WBP1L: variants seen among roughly 807,000 people sequenced by gnomAD.
WBP1L encodes the protein WW domain binding protein 1-like.
A neutral mutation model predicts 33.7 loss-of-function variants in WBP1L; 17 were observed. The observed-to-expected ratio is 0.50, with a 90% CI of 0.34 to 0.76. WBP1L has a LOEUF of 0.76. Ranked by LOEUF, WBP1L falls within the 30% of genes least tolerant of loss-of-function variation. The pLI, the probability that WBP1L is intolerant of heterozygous loss-of-function variation, is 0.01. For missense variants in WBP1L, 389 were observed against 469.4 expected, an observed-to-expected ratio of 0.83 and a Z score of 1.58; for synonymous variants, 173 against 190.8, an observed-to-expected ratio of 0.91 and a Z score of 0.77.
chr10:102,772,152 G>T (rs1248184471), intron 1 of WBP1L, among the ~76,000 whole-genome samples: 1 of 151,124 alleles, frequency 6.6e-6, no homozygotes, highest in Non-Finnish European at 1.5e-5. Context: ...TAGAGACGGG[G>T]TTTCACCATG....
chr10:102,804,647 T>C (rs1843706961), intron 2 of WBP1L, among the ~76,000 whole-genome samples: 1 of 152,056 alleles, frequency 6.6e-6, no homozygotes, highest in South Asian at 2.1e-4. Context: ...CCATCGAAGG[T>C]TGGATGAGAG....
chr10:102,801,796 C>G (rs1843659617), intron 2 of WBP1L, among the ~76,000 whole-genome samples: 1 of 152,112 alleles, frequency 6.6e-6, no homozygotes, highest in Non-Finnish European at 1.5e-5. Flanking sequence ...CAAATCCTGT[C>G]AGTGCTGCCC....
intron 1 of WBP1L, among the ~76,000 whole-genome samples, chr10:102,770,279 TAA>T (rs1325058993): frequency 6.6e-6 from 1 of 152,206 alleles, no homozygotes; most frequent in African/African-American, 2.4e-5. Context: ...CTGAGGCATT[TAA>T]ATGGGTGCGT....
intron 1 of WBP1L, among the ~76,000 whole-genome samples, chr10:102,772,707 C>A (rs889972569): frequency 6.7e-6 from 1 of 150,304 alleles, no homozygotes; most frequent in South Asian, 2.1e-4. Flanking sequence ...GTAGCTGAGA[C>A]AACAGGCATG....
At chr10:102,768,970 G>C (rs1021976193) in intron 1 of WBP1L, among the ~76,000 whole-genome samples, 1 of 152,104 alleles carries the variant, frequency 6.6e-6, no homozygotes, top group Non-Finnish European at 1.5e-5. Flanking sequence ...TTACAGGCTT[G>C]AGCCATTGCG....
chr10:102,782,078 G>C (rs961351175), intron 1 of WBP1L, among the ~76,000 whole-genome samples: 1 of 152,080 alleles, frequency 6.6e-6, no homozygotes, highest in Admixed American at 6.6e-5. Context: ...ATGTTGGCCA[G>C]GTTGGTCTGA....
At chr10:102,802,095 C>T (rs1175483871) in intron 2 of WBP1L, among the ~76,000 whole-genome samples, 2 of 88,748 alleles carry the variant, frequency 2.3e-5, no homozygotes, top group Admixed American at 1.2e-4. Flanking sequence ...TCCCCCTTCC[C>T]CCTCCTCCTT....
rs369941812 is a variant in WBP1L, at chr10:102,776,325, C to T, written c.91-21668C>T. On this transcript the variant is annotated intron_variant, in intron 1 of 3. Transcript: ENST00000448841. ...ACACAGGCCCACCAGGGGCAATGCT[C>T]ATTCCAAGACCTTAACTTTTAAGAG... 33 of 1,613,732 alleles carry T rather than the reference C, an allele frequency of 2.0e-5. No homozygotes were observed. The African/African-American group carries it at 3.7e-4, about 18-fold the overall frequency.
intron 2 of WBP1L, among the ~76,000 whole-genome samples, chr10:102,806,084 G>A (rs563299273): frequency 4.1e-4 from 62 of 151,192 alleles, no homozygotes; most frequent in African/African-American, 7.0e-4. Context: ...GTAGTGGCAC[G>A]CACCTGTAGT....
chr10:102,774,368 C>T (rs1417758078), intron 1 of WBP1L, among the ~76,000 whole-genome samples: 1 of 152,064 alleles, frequency 6.6e-6, no homozygotes, highest in East Asian at 1.9e-4. Flanking sequence ...GCTTCCCAGT[C>T]CCCAAACACC....
At chr10:102,744,330 CAAG>C (rs1468862905) in intron 1 of WBP1L, 187 bp downstream of exon 1, 10 of 969,838 alleles carry the variant, frequency 1.0e-5, no homozygotes, top group East Asian at 1.2e-4. Context: ...GTTTTGGTGT[CAAG>C]GAGGTGGCAG....
rs1384564804 is a variant in WBP1L, at chr10:102,810,401, CTTTCT to C, written c.355+350_355+354del. On this transcript the variant is annotated intron_variant, in intron 3 of 3. Coordinates refer to ENST00000448841, the MANE Select transcript of WBP1L (RefSeq NM_001083913.2). ...TTCCTCCCTCCCTCTTTCTCTCTTT[CTTTCT>C]TTCTTTCTTTCCCTGCCTGCCTGCC... 1.4e-3 allele frequency among the ~76,000 whole-genome samples: 174 copies of C among 125,040 alleles called. 2 individuals carry two copies. The highest frequency in any genetic ancestry group is 8.9e-3 in the Middle Eastern group (2 of 224). The allele number at this position is 125,040 out of a possible 152,430, so 82.0% of individuals were successfully genotyped here.
rs200469147 is a variant in WBP1L, at chr10:102,810,058, C to T, written c.355+4C>T. The T allele has an allele frequency of 4.0e-5, 64 of 1,606,610 alleles. No homozygotes were observed. The African/African-American group carries it at 5.3e-4, about 13-fold the overall frequency. The stretch of plus-strand genomic sequence containing the variant: ...TCAGCGCTGCCATTTTATTTCAGTA[C>T]GTACACCCAAGCCCCCATACCCACC... On this transcript the variant is annotated splice_donor_region_variant and intron_variant, in intron 3 of 3. Coordinates refer to ENST00000448841, the MANE Select transcript of WBP1L (RefSeq NM_001083913.2).
At chr10:102,768,276 GT>G (rs1843137893) in intron 1 of WBP1L, among the ~76,000 whole-genome samples, 1 of 150,244 alleles carries the variant, frequency 6.7e-6, no homozygotes, top group Admixed American at 6.6e-5. Flanking sequence ...GTTTTGCCAT[GT>G]TTGCCAGGCT....
At chr10:102,748,516 C>A (rs1842891359) in intron 1 of WBP1L, among the ~76,000 whole-genome samples, 1 of 152,198 alleles carries the variant, frequency 6.6e-6, no homozygotes, top group Non-Finnish European at 1.5e-5. Context: ...CCTTTTACCT[C>A]ACCTGCTTAG....
chr10:102,749,482 T>A (rs867812298), intron 1 of WBP1L, among the ~76,000 whole-genome samples: 48 of 151,140 alleles, frequency 3.2e-4, no homozygotes, highest in South Asian at 8.4e-4. Context: ...ATAAAAAAAA[T>A]TTTTTTTTAA....
intron 1 of WBP1L, among the ~76,000 whole-genome samples, chr10:102,768,235 C>T (rs996326855): frequency 1.4e-4 from 21 of 151,772 alleles, no homozygotes; most frequent in Non-Finnish European, 7.4e-5. Flanking sequence ...CCACCATGCC[C>T]GGCTAATTTT....
intron 1 of WBP1L, among the ~76,000 whole-genome samples, chr10:102,749,648 G>A (rs1177592553): frequency 6.6e-6 from 1 of 150,412 alleles, no homozygotes; most frequent in Admixed American, 6.6e-5. Context: ...TTTTTATAGA[G>A]CAGAAGTCTC....
chr10:102,747,912 A>G (rs1842883394), intron 1 of WBP1L, among the ~76,000 whole-genome samples: 1 of 152,052 alleles, frequency 6.6e-6, no homozygotes, highest in African/African-American at 2.4e-5. Context: ...CCAGTGGTTT[A>G]GGGACAAATC....
Sources: allele counts gnomAD v4.1 joint callset (sites outside exome capture counted in the v4.1 genomes callset), GRCh38; gene constraint gnomAD v4.1.1; transcripts MANE v1.5; gene names NCBI Gene and HGNC (gene_info 2026-07-23, HGNC 2026-07-21).